Variants in CPAMD8 observed in about 807,000 individuals in gnomAD.
The protein encoded by CPAMD8 is C3 and PZP like alpha-2-macroglobulin domain containing 8.
CPAMD8 carries 146 observed loss-of-function variants against 224.7 expected under a neutral mutation model. The observed-to-expected ratio is 0.65, with a 90% CI of 0.57 to 0.75. The LOEUF (loss-of-function observed/expected upper bound fraction) is 0.75. Among genes scored for constraint, CPAMD8 ranks in the 30% least tolerant of loss-of-function variants. CPAMD8 has a pLI of 0.00. For missense variants in CPAMD8, 2,301 were observed against 2,537.5 expected (o/e 0.91, Z 2.00); for synonymous variants, 966 against 1,044.6 (o/e 0.92, Z 1.45).
chr19:17,005,942 G>A (rs1278566507), intron 7 of CPAMD8, among the ~76,000 whole-genome samples: 3 of 150,982 alleles, frequency 2.0e-5, no homozygotes, highest in African/African-American at 7.3e-5. Context: ...TGAGAATCAT[G>A]GGTCTACACA....
intron 13 of CPAMD8, among the ~76,000 whole-genome samples, chr19:16,987,487 GA>G (rs2055787269): frequency 6.6e-6 from 1 of 151,564 alleles, no homozygotes. Flanking sequence ...TCTTCTTTAT[GA>G]TTTTTTTTAC....
At chr19:16,996,176 A>T in intron 11 of CPAMD8, among the ~76,000 whole-genome samples, 1 of 151,624 alleles carries the variant, frequency 6.6e-6, no homozygotes, top group Non-Finnish European at 1.5e-5. Context: ...ATAAAAATTT[A>T]AAAATAAAAA....
chr19:16,902,794 C>G lies in CPAMD8; in HGVS notation c.4540G>C (p.Glu1514Gln), dbSNP rs1181968733. The change falls in exon 35 of 42, where the codon GAG (glutamate) becomes CAG (glutamine). Residue 1514 changes from glutamate to glutamine, a missense_variant. This residue lies in a region of CPAMD8 where 1,709 missense variants were observed against 1,753.2 expected (regional missense o/e 0.97). Coordinates refer to ENST00000443236, the MANE Select transcript of CPAMD8 (RefSeq NM_015692.5). The stretch of plus-strand genomic sequence containing the variant: ...GGCGGGCGTCCCTGGGCCTCAGGCT[C>G]CTGGAGGCTTACGAGCAGCTGGAAA... ...PAFQLLVSLQ[E>Q]PEAQGRPPPM... 1 of 1,583,050 alleles carries G rather than the reference C, an allele frequency of 6.3e-7. No homozygotes were observed.
intron 26 of CPAMD8, among the ~76,000 whole-genome samples, chr19:16,924,830 C>T (rs1417491010): frequency 1.3e-5 from 2 of 152,210 alleles, no homozygotes; most frequent in Non-Finnish European, 2.9e-5. Context: ...AGTAATCCTC[C>T]TGCCTCGGCC....
chr19:16,903,468 C>G, intron 34 of CPAMD8, 93 bp downstream of exon 34: 2 of 1,580,144 alleles, frequency 1.3e-6, no homozygotes, highest in Non-Finnish European at 1.7e-6. Flanking sequence ...GTTCAGAACC[C>G]TCTGGGGGTC....
At chr19:16,896,770 C>A (rs1177452328) in intron 39 of CPAMD8, 105 bp from the exon 40 acceptor site, 9 of 783,496 alleles carry the variant, frequency 1.1e-5, no homozygotes, top group Non-Finnish European at 1.4e-5. Context: ...GGCCCACTAC[C>A]CCCTCGGTGG....
intron 13 of CPAMD8, among the ~76,000 whole-genome samples, chr19:16,982,940 C>T (rs1044878343): frequency 1.3e-5 from 2 of 152,218 alleles, no homozygotes; most frequent in African/African-American, 4.8e-5. Flanking sequence ...TTCCCCAATA[C>T]AGTTCTCATG....
intron 18 of CPAMD8, among the ~76,000 whole-genome samples, chr19:16,959,715 A>G (rs2054589666): frequency 6.6e-6 from 1 of 151,264 alleles, no homozygotes; most frequent in Non-Finnish European, 1.5e-5. Flanking sequence ...TAATTTTTGT[A>G]TTTTTAGTAG....
At chr19:16,989,393 T>A (rs2055857152) in intron 13 of CPAMD8, among the ~76,000 whole-genome samples, 1 of 151,994 alleles carries the variant, frequency 6.6e-6, no homozygotes, top group Non-Finnish European at 1.5e-5. Context: ...TTCAAGCAAT[T>A]CTCCTGCCTC....
chr19:16,949,066 G>A (rs2054218168), intron 20 of CPAMD8, among the ~76,000 whole-genome samples: 1 of 137,582 alleles, frequency 7.3e-6, no homozygotes, highest in South Asian at 2.8e-4. Flanking sequence ...GGGAGGGAGG[G>A]AGGAAGGAAG....
intron 29 of CPAMD8, among the ~76,000 whole-genome samples, chr19:16,911,621 C>T (rs550587397): frequency 6.6e-5 from 10 of 152,332 alleles, no homozygotes; most frequent in East Asian, 5.8e-4. Context: ...TCTCGGCTCA[C>T]GGCAAGCTCT....
chr19:16,981,179 C>T (rs969079410), intron 13 of CPAMD8, among the ~76,000 whole-genome samples: 1 of 151,762 alleles, frequency 6.6e-6, no homozygotes, highest in African/African-American at 2.4e-5. Flanking sequence ...ATAGTGAGAC[C>T]CCCATCTCTA....
At chr19:16,902,955 A>G in intron 34 of CPAMD8, 92 bp from the exon 35 acceptor site, 1 of 709,624 alleles carries the variant, frequency 1.4e-6, no homozygotes, top group Non-Finnish European at 2.4e-6. Context: ...GGAGGTGGGA[A>G]CAGCCAGAAT....
At chr19:16,947,517 C>T (rs1022058675) in intron 20 of CPAMD8, among the ~76,000 whole-genome samples, 6 of 152,198 alleles carry the variant, frequency 3.9e-5, no homozygotes, top group African/African-American at 1.2e-4. Context: ...ACTGAAGCTG[C>T]CAGTTCCAGC....
intron 26 of CPAMD8, among the ~76,000 whole-genome samples, chr19:16,922,360 C>T (rs1393074079): frequency 6.7e-6 from 1 of 148,558 alleles, no homozygotes; most frequent in Non-Finnish European, 1.5e-5. Flanking sequence ...TCTGGAGTCC[C>T]TGGAACCGCA....
intron 18 of CPAMD8, 74 bp downstream of exon 18, chr19:16,970,817 G>T: frequency 7.2e-7 from 1 of 1,390,216 alleles, no homozygotes; most frequent in South Asian, 1.2e-5. Flanking sequence ...ATAGCAGCCA[G>T]GAAGGACAAA....
Position 16,938,438 on chromosome 19 carries a change from T to G in CPAMD8, c.2802A>C (p.Gly934=). 6.3e-6 allele frequency: 10 copies of G among 1,576,340 alleles called. No individual in the cohort carries two copies. The highest frequency in any genetic ancestry group is 8.6e-6 in the Non-Finnish European group (10 of 1,161,800). Residue 934 remains glycine, a synonymous_variant, in exon 23 of 42, where the codon GGA becomes GGC. Transcript: ENST00000443236. Reference sequence around the variant, plus strand: ...CGCTGTAGGTGTACGCCCGGGGGACTCCTTCCGCCTGAAACAAAGAAACAA... The same window carrying G: ...CGCTGTAGGTGTACGCCCGGGGGACGCCTTCCGCCTGAAACAAAGAAACAA... ...VRRSVMVEAE[G]VPRAYTYSAF... is the part of the protein sequence containing the mutation.
intron 13 of CPAMD8, among the ~76,000 whole-genome samples, chr19:16,981,471 G>A (rs2055513134): frequency 6.6e-6 from 1 of 152,146 alleles, no homozygotes; most frequent in African/African-American, 2.4e-5. Flanking sequence ...TCCTATCATA[G>A]TCCCCAAGTT....
chr19:16,945,511 G>T (rs1053592536), intron 22 of CPAMD8, 38 bp downstream of exon 22: 4 of 1,603,394 alleles, frequency 2.5e-6, no homozygotes, highest in Non-Finnish European at 3.4e-6. Context: ...AAGGAATGAG[G>T]CCCTGGCTAA....
Sources: allele counts gnomAD v4.1 joint callset (sites outside exome capture counted in the v4.1 genomes callset), GRCh38; gene constraint gnomAD v4.1.1; regional missense constraint gnomAD v4.1.1; transcripts MANE v1.5; gene names NCBI Gene and HGNC (gene_info 2026-07-23, HGNC 2026-07-21).